PTPRD: variants seen among roughly 807,000 people sequenced by gnomAD.
PTPRD encodes protein tyrosine phosphatase receptor type D, also known as receptor-type tyrosine-protein phosphatase delta.
A neutral mutation model predicts 214.5 loss-of-function variants in PTPRD; 34 were observed. The ratio of observed to expected loss-of-function variants is 0.16; its 90% CI spans 0.12 to 0.21. The LOEUF (loss-of-function observed/expected upper bound fraction) is 0.21. Ranked by LOEUF, PTPRD falls within the 10% of genes least tolerant of loss-of-function variation. The probability of loss-of-function intolerance (pLI) is 1.00; values close to 1 mark genes in which losing one functional copy is unlikely to be tolerated. For synonymous variants in PTPRD, 1,128 were observed against 845.7 expected (o/e 1.33, Z -5.79); for missense variants, 2,545 against 2,398.7 (o/e 1.06, Z -1.27).
chr9:9,930,777 G>A (rs1602586848), intron 5 of PTPRD, among the ~76,000 whole-genome samples: 2 of 151,800 alleles, frequency 1.3e-5, no homozygotes, highest in Non-Finnish European at 1.5e-5. Context: ...CAATATAAGT[G>A]AGCATAATAT....
At chr9:9,686,247 T>C (rs1171460994) in intron 7 of PTPRD, among the ~76,000 whole-genome samples, 1 of 151,132 alleles carries the variant, frequency 6.6e-6, no homozygotes, top group Non-Finnish European at 1.5e-5. Flanking sequence ...CCAATTTTAC[T>C]CCTACCTTGA....
chr9:9,102,361 G>A (rs1354330284), intron 10 of PTPRD, among the ~76,000 whole-genome samples: 2 of 152,298 alleles, frequency 1.3e-5, no homozygotes, highest in Admixed American at 6.5e-5. Context: ...TAGGGGTGAT[G>A]ATCTAAACAG....
chr9:10,499,184 T>G lies in PTPRD; in HGVS notation c.-600+113214A>C, dbSNP rs192657314. 2.7e-4 allele frequency among the ~76,000 whole-genome samples: 41 copies of G among 152,068 alleles called. 1 individual carries two copies. Among genetic ancestry groups the G allele is most frequent in the African/African-American group, 8.7e-4 (36 of 41,538 alleles). ...GCTGAACTGTCTGCCCAGCTACCAC[T>G]AGATTTATCCTTCTGTACACATACC... is the stretch of plus-strand genomic sequence containing the variant. On this transcript the variant is annotated intron_variant, in intron 2 of 45. Transcript: ENST00000381196.
chr9:10,326,087 A>T (rs1381816843), intron 3 of PTPRD, among the ~76,000 whole-genome samples: 2 of 151,732 alleles, frequency 1.3e-5, no homozygotes, highest in East Asian at 3.9e-4. Flanking sequence ...TTTTATATAA[A>T]TATATTCACT....
At chr9:8,473,410 T>C (rs569476972) in intron 30 of PTPRD, among the ~76,000 whole-genome samples, 18 of 152,226 alleles carry the variant, frequency 1.2e-4, no homozygotes, top group Admixed American at 9.8e-4. Flanking sequence ...AAGTCCATCA[T>C]GTTAAATGAG....
chr9:10,090,135 T>A (rs1342338386), intron 3 of PTPRD, among the ~76,000 whole-genome samples: 1 of 151,632 alleles, frequency 6.6e-6, no homozygotes, highest in Non-Finnish European at 1.5e-5. Context: ...ATAGCAGGAA[T>A]TTCCATCCCA....
In PTPRD at chr9:9,321,597, G is replaced by A. The variant is rs181363323; in HGVS notation, c.-203+75852C>T. Among the ~76,000 whole-genome samples, 1,192 of 149,900 alleles carry A rather than the reference G, an allele frequency of 8.0e-3. 65 individuals are homozygous for A. The highest frequency in any genetic ancestry group is 0.073 in the Admixed American group (1,098 of 15,030). On this transcript the variant is annotated intron_variant, in intron 9 of 45. Coordinates refer to ENST00000381196, the MANE Select transcript of PTPRD (RefSeq NM_002839.4). ...CTGTTTTTGTTAAAATGCCATGTAT[G>A]CATATCTGATTTTTCCATAAAACAC... is the stretch of plus-strand genomic sequence containing the variant.
chr9:8,792,811 C>T (rs2096279531), intron 11 of PTPRD, among the ~76,000 whole-genome samples: 1 of 152,088 alleles, frequency 6.6e-6, no homozygotes, highest in Non-Finnish European at 1.5e-5. Context: ...TTTTCCTTTT[C>T]TCCATTTCTC....
intron 11 of PTPRD, among the ~76,000 whole-genome samples, chr9:8,999,475 T>C (rs1202925616): frequency 6.6e-6 from 1 of 152,068 alleles, no homozygotes; most frequent in African/African-American, 2.4e-5. Flanking sequence ...GTACATTGTT[T>C]TTTAAGACAA....
intron 5 of PTPRD, among the ~76,000 whole-genome samples, chr9:9,892,324 C>T (rs956533104): frequency 6.6e-6 from 1 of 152,102 alleles, no homozygotes; most frequent in Non-Finnish European, 1.5e-5. Flanking sequence ...ACAGTCCCCG[C>T]TGGCTTTCAG....
At chr9:8,906,158 C>T (rs1387935041) in intron 11 of PTPRD, among the ~76,000 whole-genome samples, 3 of 152,160 alleles carry the variant, frequency 2.0e-5, no homozygotes, top group Admixed American at 2.0e-4. Flanking sequence ...GGAAATTTTC[C>T]TGACTAGATG....
intron 3 of PTPRD, among the ~76,000 whole-genome samples, chr9:10,226,215 G>C (rs1031043817): frequency 1.3e-5 from 2 of 152,008 alleles, no homozygotes; most frequent in Non-Finnish European, 1.5e-5. Context: ...TGGGTAAGAG[G>C]CTTCTGCCAA....
At chr9:8,715,755 A>G (rs994464190) in intron 12 of PTPRD, among the ~76,000 whole-genome samples, 5 of 152,390 alleles carry the variant, frequency 3.3e-5, no homozygotes, top group African/African-American at 1.2e-4. Context: ...AGCAGCAATC[A>G]TGTTTCATTT....
intron 9 of PTPRD, among the ~76,000 whole-genome samples, chr9:9,204,572 T>C (rs1387249055): frequency 6.6e-6 from 1 of 152,152 alleles, no homozygotes; most frequent in Non-Finnish European, 1.5e-5. Context: ...TATATAACTC[T>C]GGCTTAATTT....
chr9:9,384,820 G>T (rs897973437), intron 9 of PTPRD, among the ~76,000 whole-genome samples: 1 of 151,784 alleles, frequency 6.6e-6, no homozygotes, highest in African/African-American at 2.4e-5. Flanking sequence ...TTTCTATTTG[G>T]TGACTGTTGC....
In PTPRD at chr9:8,676,723, G is replaced by A. The variant is rs530553002; in HGVS notation, c.65-39879C>T. ...CGAGTAGCTGGGATTACAGGCATGC[G>A]CCACCATGCCCAGCTAATTTTTGTA... is the stretch of plus-strand genomic sequence containing the variant. On this transcript the variant is annotated intron_variant, in intron 12 of 45. Transcript: ENST00000381196. Among the ~76,000 whole-genome samples, 6 of 152,196 alleles carry A rather than the reference G, an allele frequency of 3.9e-5. No homozygotes were observed. In the East Asian group the frequency reaches 5.8e-4, roughly 15 times the overall value.
At chr9:10,122,629 G>C (rs1021826892) in intron 3 of PTPRD, among the ~76,000 whole-genome samples, 1 of 152,122 alleles carries the variant, frequency 6.6e-6, no homozygotes, top group Non-Finnish European at 1.5e-5. Context: ...CACACATTGG[G>C]CTCAATTAAA....
chr9:10,243,495 T>C (rs1392137714), intron 3 of PTPRD, among the ~76,000 whole-genome samples: 1 of 152,040 alleles, frequency 6.6e-6, no homozygotes, highest in African/African-American at 2.4e-5. Context: ...TCGTCATCAA[T>C]GTCCTTCCAC....
At chr9:9,398,114 C>A (rs750100644) in intron 8 of PTPRD, among the ~76,000 whole-genome samples, 1 of 147,960 alleles carries the variant, frequency 6.8e-6, no homozygotes, top group Non-Finnish European at 1.5e-5. Context: ...TCCCTCCCTG[C>A]TTCTCTTTCT....
Sources: gnomAD v4.1 joint callset for allele counts (sites outside exome capture counted in the v4.1 genomes callset) on GRCh38, gnomAD v4.1.1 for gene constraint, MANE v1.5 for transcripts, NCBI Gene and HGNC (gene_info 2026-07-23, HGNC 2026-07-21) for gene names.